HSPA12A: variants seen among roughly 807,000 people sequenced by gnomAD.
The protein encoded by HSPA12A is heat shock 70 kDa protein 12A.
Under a neutral mutation model 69.2 loss-of-function variants are expected in HSPA12A, and 28 were observed. The observed-to-expected ratio is 0.40, with a 90% CI of 0.30 to 0.55. The LOEUF is 0.55. Ranked by LOEUF, HSPA12A falls within the 20% of genes least tolerant of loss-of-function variation. HSPA12A has a pLI of 0.38. For synonymous variants in HSPA12A, 345 were observed against 370.5 expected (o/e 0.93, Z 0.79); for missense variants, 686 against 900.7 (o/e 0.76, Z 3.05).
intron 4 of HSPA12A, among the ~76,000 whole-genome samples, chr10:116,699,680 C>G (rs1437284276): frequency 1.3e-5 from 2 of 152,212 alleles, no homozygotes; most frequent in Non-Finnish European, 2.9e-5. Flanking sequence ...AACAAAGATA[C>G]CCCAGCTTTA....
At chr10:116,681,994 T>C in intron 7 of HSPA12A, 117 bp from the exon 8 acceptor site, 2 of 855,886 alleles carry the variant, frequency 2.3e-6, no homozygotes, top group Non-Finnish European at 3.8e-6. Flanking sequence ...ATTAGTGACA[T>C]TTGACCAAAA....
chr10:116,798,196 G>A (rs1844874945), intron 2 of HSPA12A, among the ~76,000 whole-genome samples: 1 of 151,926 alleles, frequency 6.6e-6, no homozygotes, highest in East Asian at 1.9e-4. Flanking sequence ...GGGTGGGGCA[G>A]GGAGCAGGGG....
Position 116,692,590 on chromosome 10 carries a change from C to A in HSPA12A, c.547-123G>T, listed in dbSNP as rs147498717. 6.1e-5 allele frequency: 42 copies of A among 693,390 alleles called. 1 individual carries two copies. The highest frequency in any genetic ancestry group is 5.9e-4 in the African/African-American group (33 of 56,138). The allele number at this position is 693,390 out of a possible 1,614,324, so 43.0% of individuals were successfully genotyped here. On this transcript the variant is annotated intron_variant, in intron 5 of 11. Coordinates refer to ENST00000369209, the MANE Select transcript of HSPA12A (RefSeq NM_025015.3). ...TCTTCAGGAGCCAGTTTCAGGGTCC[C>A]CCAAACTTACCAGCATCAGAGAGCA...
chr10:116,722,669 C>T (rs1216341102), intron 1 of HSPA12A, among the ~76,000 whole-genome samples: 1 of 152,192 alleles, frequency 6.6e-6, no homozygotes, highest in African/African-American at 2.4e-5. Context: ...TCAGTCTTAT[C>T]TTGTGGACAT....
chr10:116,768,841 C>A (rs1237044842), intron 2 of HSPA12A, among the ~76,000 whole-genome samples: 1 of 152,086 alleles, frequency 6.6e-6, no homozygotes, highest in Non-Finnish European at 1.5e-5. Flanking sequence ...CTGACATCAC[C>A]CTGACTTTGG....
intron 3 of HSPA12A, among the ~76,000 whole-genome samples, chr10:116,701,411 G>C (rs1554881619): frequency 6.6e-6 from 1 of 152,228 alleles, no homozygotes; most frequent in Non-Finnish European, 1.5e-5. Context: ...CCAGGTGCTG[G>C]CATGAAACTT....
intron 1 of HSPA12A, among the ~76,000 whole-genome samples, chr10:116,714,096 C>T (rs12247542): frequency 0.3 from 45,068 of 150,460 alleles, 8,037 homozygotes; most frequent in South Asian, 0.54. Flanking sequence ...GATGGATGGA[C>T]GGATGGATGG....
upstream of HSPA12A, chr10:116,849,856 C>G: frequency 2.7e-6 from 3 of 1,130,498 alleles, no homozygotes; most frequent in South Asian, 4.3e-5. Context: ...GGCCCTGGGC[C>G]TGCGTGTGCG....
At chr10:116,757,538 C>T (rs76891622) in intron 2 of HSPA12A, among the ~76,000 whole-genome samples, 72 of 152,274 alleles carry the variant, frequency 4.7e-4, no homozygotes, top group East Asian at 1.5e-3. Flanking sequence ...CATCCGCACA[C>T]GGCAGGAGGT....
At chr10:116,729,900 C>A (rs544715879) in intron 1 of HSPA12A, among the ~76,000 whole-genome samples, 1 of 152,338 alleles carries the variant, frequency 6.6e-6, no homozygotes, top group African/African-American at 2.4e-5. Context: ...TTCTGAGTAC[C>A]TCGTGTGTGC....
At chr10:116,693,432 C>T (rs1554880400) in intron 5 of HSPA12A, among the ~76,000 whole-genome samples, 2 of 152,198 alleles carry the variant, frequency 1.3e-5, no homozygotes, top group African/African-American at 4.8e-5. Flanking sequence ...AACTAACTCA[C>T]AGCATTGCTG....
upstream of HSPA12A, among the ~76,000 whole-genome samples, chr10:116,744,916 C>CAG (rs553800213): frequency 1.3e-3 from 204 of 152,292 alleles, 1 homozygote; most frequent in African/African-American, 4.7e-3. Context: ...CAATAGCAGC[C>CAG]AGAGAGAGAG....
intron 2 of HSPA12A, among the ~76,000 whole-genome samples, chr10:116,757,831 T>G (rs1318375676): frequency 6.6e-6 from 1 of 152,212 alleles, no homozygotes; most frequent in East Asian, 1.9e-4. Context: ...GATTAGAGAC[T>G]GAGCGACCTA....
intron 2 of HSPA12A, among the ~76,000 whole-genome samples, chr10:116,776,622 T>C (rs1428118930): frequency 6.6e-6 from 1 of 152,218 alleles, no homozygotes; most frequent in Admixed American, 6.5e-5. Context: ...TTTATTATTG[T>C]AGCAGAATCC....
chr10:116,724,330 T>A (rs189648646), intron 1 of HSPA12A, among the ~76,000 whole-genome samples: 1 of 152,296 alleles, frequency 6.6e-6, no homozygotes, highest in East Asian at 1.9e-4. Context: ...TTCTGATATA[T>A]TATATTTGTA....
chr10:116,803,027 A>AG (rs2133170616), intron 2 of HSPA12A, among the ~76,000 whole-genome samples: 1 of 149,664 alleles, frequency 6.7e-6, no homozygotes, highest in African/African-American at 2.4e-5. Flanking sequence ...CAAGAAATAA[A>AG]GCATGTTTGG....
chr10:116,797,739 G>T (rs758143448), intron 2 of HSPA12A, among the ~76,000 whole-genome samples: 1 of 152,214 alleles, frequency 6.6e-6, no homozygotes, highest in South Asian at 2.1e-4. Flanking sequence ...ACTGCTGAGA[G>T]CTGTGTACGT....
chr10:116,695,787 G>C (rs1441088181), intron 5 of HSPA12A, among the ~76,000 whole-genome samples: 1 of 151,172 alleles, frequency 6.6e-6, no homozygotes, highest in African/African-American at 2.4e-5. Flanking sequence ...CTGCACTCCA[G>C]CCTGGCTGGG....
At chr10:116,799,006 G>A (rs1031644683) in intron 2 of HSPA12A, among the ~76,000 whole-genome samples, 8 of 152,098 alleles carry the variant, frequency 5.3e-5, no homozygotes, top group Admixed American at 2.6e-4. Flanking sequence ...GCCCACTGGC[G>A]AGATGCCCAG....
Sources: gnomAD v4.1 joint callset for allele counts (sites outside exome capture counted in the v4.1 genomes callset) on GRCh38, gnomAD v4.1.1 for gene constraint, MANE v1.5 for transcripts, NCBI Gene and HGNC (gene_info 2026-07-23, HGNC 2026-07-21) for gene names.